The following ZCCHC24 variants were observed in gnomAD, a reference collection of about 807,000 sequenced individuals.
ZCCHC24 encodes the protein zinc finger CCHC domain-containing protein 24.
ZCCHC24 carries 10 observed loss-of-function variants against 26.2 expected under a neutral mutation model. The observed-to-expected ratio is 0.38, with a 90% confidence interval of 0.24 to 0.65. The LOEUF (loss-of-function observed/expected upper bound fraction) is 0.65, where lower values mean the gene tolerates loss of function less well. Among genes scored for constraint, ZCCHC24 ranks in the 30% least tolerant of loss-of-function variants. The pLI is 0.54. For synonymous variants in ZCCHC24, 144 were observed against 147.1 expected (o/e 0.98, Z 0.15); for missense variants, 243 against 329.1 (o/e 0.74, Z 2.03).
At chr10:79,389,562 G>C (rs1221595200) in intron 3 of ZCCHC24, among the ~76,000 whole-genome samples, 1 of 151,264 alleles carries the variant, frequency 6.6e-6, no homozygotes, top group Non-Finnish European at 1.5e-5. Flanking sequence ...GTGTGTGTGT[G>C]TGTGTCTGTG....
At position 79,438,610 on chromosome 10, in the gene ZCCHC24, C is replaced by T. The variant is rs184771766; in HGVS notation, c.247-5852G>A. Among the ~76,000 whole-genome samples the T allele has an allele frequency of 1.3e-4, 20 of 152,364 alleles. No individual in the cohort carries two copies. The East Asian group carries it at 3.9e-3, about 29-fold the overall frequency. ...CCAGGACTCCAGAGGGCACCACTGCCTCCTGGAGGCCCATTCACCCAGCAA... is the reference window on the plus strand; with the variant it reads ...CCAGGACTCCAGAGGGCACCACTGCTTCCTGGAGGCCCATTCACCCAGCAA... On this transcript the variant is annotated intron_variant, in intron 1 of 3. Transcript: ENST00000372336.
intron 3 of ZCCHC24, among the ~76,000 whole-genome samples, chr10:79,389,529 A>AGTGTGTGTGTGTGTGTGTGTGTGT (rs5786399): frequency 6.8e-6 from 1 of 146,230 alleles, no homozygotes; most frequent in African/African-American, 2.6e-5. Flanking sequence ...ACTTTTTCCT[A>AGTGTGTGTGTGTGTGTGTGTGTGT]GTGTGTGTGT....
At chr10:79,439,671 A>G (rs1276585438) in intron 1 of ZCCHC24, among the ~76,000 whole-genome samples, 1 of 152,050 alleles carries the variant, frequency 6.6e-6, no homozygotes, top group Non-Finnish European at 1.5e-5. Flanking sequence ...AGGCGCCTGT[A>G]ATCCCAGCTA....
intron 3 of ZCCHC24, among the ~76,000 whole-genome samples, chr10:79,386,972 C>T (rs11002953): frequency 0.42 from 64,079 of 151,974 alleles, 14,248 homozygotes; most frequent in East Asian, 0.75. Flanking sequence ...CCCCAGCATC[C>T]GGCGCCTCTT....
At chr10:79,399,862 C>T (rs569573805) in intron 2 of ZCCHC24, among the ~76,000 whole-genome samples, 1 of 152,338 alleles carries the variant, frequency 6.6e-6, no homozygotes, top group South Asian at 2.1e-4. Context: ...GTGTTTTCTT[C>T]CCATCCCTGC....
chr10:79,398,918 G>C (rs915421026), intron 2 of ZCCHC24, among the ~76,000 whole-genome samples: 1 of 152,176 alleles, frequency 6.6e-6, no homozygotes. Flanking sequence ...CTTCCAGTGC[G>C]TGAAGGGCAG....
chr10:79,442,459 AC>A (rs943793493), intron 1 of ZCCHC24, among the ~76,000 whole-genome samples: 7 of 150,656 alleles, frequency 4.6e-5, no homozygotes, highest in Admixed American at 1.3e-4. Context: ...CCATGTCCTC[AC>A]CCCCCCTCAA....
intron 3 of ZCCHC24, among the ~76,000 whole-genome samples, chr10:79,386,868 C>T (rs144912586): frequency 8.5e-5 from 13 of 152,274 alleles, no homozygotes; most frequent in African/African-American, 2.9e-4. Flanking sequence ...CTGAAGTTCA[C>T]GTGAGTCCAG....
In ZCCHC24 at chr10:79,423,452, G is replaced by C. The variant is rs2132207406; in HGVS notation, c.447+9106C>G. 2.0e-5 allele frequency among the ~76,000 whole-genome samples: 3 copies of C among 151,182 alleles called. No homozygotes were observed. In the East Asian group the frequency reaches 5.9e-4, roughly 30 times the overall value. ...TGTAATCCCAGCTACTCGGGAGGCT[G>C]AGGGAGGAGAATAGCTTGAACCTGG... On this transcript the variant is annotated intron_variant, in intron 2 of 3. Transcript: ENST00000372336.
At chr10:79,428,396 C>G (rs1857064690) in intron 2 of ZCCHC24, among the ~76,000 whole-genome samples, 1 of 43,080 alleles carries the variant, frequency 2.3e-5, no homozygotes, top group Admixed American at 2.0e-4. Flanking sequence ...TACAGTATTT[C>G]AGTTTTGCAA....
rs908891444 is a variant in ZCCHC24, at chr10:79,445,426, C to A, written c.15G>T (p.Ser5=). The change falls in exon 1 of 4, where the codon TCG becomes TCT. Residue 5 remains serine (S), a synonymous_variant. Transcript: ENST00000372336. ...CCGAGGCGGCGCTCGTGTCGATGGC[C>A]GACAGCAGGCTCATTTTGTGGCGGC... MSLL[S]AIDTSAASVY... 2.7e-6 allele frequency: 4 copies of A among 1,472,802 alleles called. No homozygotes were observed. Among genetic ancestry groups the A allele is most frequent in the African/African-American group, 2.9e-5 (2 of 68,522 alleles). The allele number at this position is 1,472,802 out of a possible 1,614,324, so 91.2% of individuals were successfully genotyped here. A position where few individuals can be genotyped will look rare whatever the true frequency, so the allele number is the denominator to read the frequency against.
At chr10:79,431,504 A>C (rs748049599) in intron 2 of ZCCHC24, among the ~76,000 whole-genome samples, 8 of 152,160 alleles carry the variant, frequency 5.3e-5, no homozygotes, top group Non-Finnish European at 1.2e-4. Context: ...AGAGCCTGCA[A>C]TTGTAATAGC....
chr10:79,412,348 G>A (rs1856804274), intron 2 of ZCCHC24, among the ~76,000 whole-genome samples: 1 of 152,238 alleles, frequency 6.6e-6, no homozygotes, highest in African/African-American at 2.4e-5. Context: ...AGCGGCATGA[G>A]CCTCTGTGCG....
intron 1 of ZCCHC24, among the ~76,000 whole-genome samples, chr10:79,443,078 T>C (rs1343406865): frequency 2.0e-5 from 3 of 152,140 alleles, no homozygotes; most frequent in Admixed American, 6.5e-5. Flanking sequence ...AGACTAAATT[T>C]AACAGATAGG....
chr10:79,397,709 G>C (rs547299517), intron 2 of ZCCHC24, among the ~76,000 whole-genome samples: 2 of 152,168 alleles, frequency 1.3e-5, no homozygotes, highest in Non-Finnish European at 2.9e-5. Flanking sequence ...GGCCCACTCT[G>C]GATCTGGTTC....
At chr10:79,405,976 C>A (rs1307859479) in intron 2 of ZCCHC24, among the ~76,000 whole-genome samples, 1 of 152,238 alleles carries the variant, frequency 6.6e-6, no homozygotes, top group Admixed American at 6.5e-5. Context: ...CCTCCTCTCT[C>A]TGGGATTCGA....
intron 3 of ZCCHC24, among the ~76,000 whole-genome samples, chr10:79,391,891 C>T (rs1410083435): frequency 6.6e-6 from 1 of 151,384 alleles, no homozygotes; most frequent in Admixed American, 6.6e-5. Flanking sequence ...TCCTCCATCC[C>T]CCACTACCTC....
intron 2 of ZCCHC24, among the ~76,000 whole-genome samples, chr10:79,413,109 T>A (rs1214249310): frequency 6.6e-6 from 1 of 152,240 alleles, no homozygotes; most frequent in Non-Finnish European, 1.5e-5. Context: ...AAGCCACTCA[T>A]CCAAAATGGG....
At chr10:79,416,669 G>C (rs1453312332) in intron 2 of ZCCHC24, among the ~76,000 whole-genome samples, 6 of 152,130 alleles carry the variant, frequency 3.9e-5, no homozygotes, top group Non-Finnish European at 7.4e-5. Context: ...CCTGAGTCTT[G>C]TTCATTTCTT....
Sources: allele counts gnomAD v4.1 joint callset (sites outside exome capture counted in the v4.1 genomes callset), GRCh38; gene constraint gnomAD v4.1.1; transcripts MANE v1.5; gene names NCBI Gene and HGNC (gene_info 2026-07-23, HGNC 2026-07-21).